The following MCM9 variants were observed in gnomAD, a reference collection of about 807,000 sequenced individuals.
MCM9 encodes the protein minichromosome maintenance 9 homologous recombination repair factor, also known as DNA helicase MCM9.
MCM9 carries 55 observed loss-of-function variants against 72.8 expected under a neutral mutation model. That is an observed-to-expected ratio of 0.76 (90% CI 0.61 to 0.95). MCM9 has a LOEUF of 0.95. MCM9 is among the 40% of genes least tolerant of loss of function. The pLI, the probability that MCM9 is intolerant of heterozygous loss-of-function variation, is 0.00. For missense variants in MCM9, 1,279 were observed against 1,377.0 expected (o/e 0.93, Z 1.13); for synonymous variants, 480 against 503.4 (o/e 0.95, Z 0.62).
At chr6:118,845,656 A>G (rs968367731) in intron 9 of MCM9, among the ~76,000 whole-genome samples, 5 of 151,912 alleles carry the variant, frequency 3.3e-5, no homozygotes, top group African/African-American at 1.2e-4. Flanking sequence ...ATATAAAACC[A>G]TATTTTATGT....
In MCM9 at chr6:118,815,589, G is replaced by C. The variant is rs1773361640; in HGVS notation, c.2667C>G (p.Asp889Glu). Residue 889 changes from aspartate (D) to glutamate (E), a missense_variant, in exon 14 of 14, where the codon GAC (aspartate) becomes GAG (glutamate). By Grantham distance (45) the Asp-to-Glu change is conservative. Coordinates refer to ENST00000619706, the MANE Select transcript of MCM9 (RefSeq NM_017696.3). The stretch of plus-strand genomic sequence containing the variant: ...ATTTCGGTCTCTTTCTTTTGGGTGA[G>C]TCCAGCATTCTGTCTGGGCTATGTA... The part of the protein sequence containing the change: ...TPVHSPDRML[D>E]SPKRKRPKSL... The C allele has an allele frequency of 1.3e-6, 2 of 1,550,266 alleles. No individual in the cohort carries two copies. The highest frequency in any genetic ancestry group is 3.9e-5 in the Admixed American group (2 of 50,954).
At chr6:118,878,052 T>G (rs1300164462) in intron 8 of MCM9, among the ~76,000 whole-genome samples, 2 of 151,952 alleles carry the variant, frequency 1.3e-5, no homozygotes, top group East Asian at 3.9e-4. Flanking sequence ...ATCCTAGCCA[T>G]TTGGGAGACT....
chr6:118,917,739 C>G lies in MCM9; in HGVS notation c.726G>C (p.Gly242=). ...CKSGDDLTIY[G]IVMQRWKPFQ... is the part of the protein sequence containing the mutation. ...AGGGCTTCCACCGTTGCATTACAAT[C>G]CCGTAAATAGTGAGGTCATCACCTA... The change falls in exon 6 of 14, where the codon GGG becomes GGC. Residue 242 remains glycine (G), a synonymous_variant. Transcript: ENST00000619706. 1 of 1,614,108 alleles carries G rather than the reference C, an allele frequency of 6.2e-7. No homozygotes were observed. Among genetic ancestry groups the G allele is most frequent in the Non-Finnish European group, 8.5e-7 (1 of 1,179,986 alleles).
At chr6:118,903,850 G>C (rs975468675) in intron 8 of MCM9, among the ~76,000 whole-genome samples, 1 of 152,128 alleles carries the variant, frequency 6.6e-6, no homozygotes, top group African/African-American at 2.4e-5. Flanking sequence ...GCCTCCCAAA[G>C]TGCTAGGATT....
chr6:118,866,417 A>G (rs1777221172), intron 8 of MCM9, among the ~76,000 whole-genome samples: 1 of 152,252 alleles, frequency 6.6e-6, no homozygotes. Flanking sequence ...AAAATTCAAA[A>G]TAATGGTCAA....
rs190846731 is a variant in MCM9, at chr6:118,899,307, G to A, written c.1150+12343C>T. Among the ~76,000 whole-genome samples, 625 of 152,316 alleles carry A rather than the reference G, an allele frequency of 4.1e-3. 4 individuals carry two copies. The highest frequency in any genetic ancestry group is 6.9e-3 in the Non-Finnish European group (470 of 68,032). On this transcript the variant is annotated intron_variant, in intron 8 of 13. Transcript: ENST00000619706. ...GCAGTGTGAAAGCCAGAGTCCTTATGATGGCCTTCAAAACCGCATGATCTG... is the reference window on the plus strand; with the variant it reads ...GCAGTGTGAAAGCCAGAGTCCTTATAATGGCCTTCAAAACCGCATGATCTG...
chr6:118,828,452 C>T (rs1012037060), intron 10 of MCM9, among the ~76,000 whole-genome samples: 2 of 151,834 alleles, frequency 1.3e-5, no homozygotes, highest in Non-Finnish European at 2.9e-5. Flanking sequence ...GTAGCACGAT[C>T]TCTGTTCACT....
intron 8 of MCM9, among the ~76,000 whole-genome samples, chr6:118,894,948 G>A (rs1434620032): frequency 6.6e-6 from 1 of 152,182 alleles, no homozygotes. Flanking sequence ...GTTCGGAGCG[G>A]AGCCATCTTA....
At chr6:118,857,515 T>C (rs898159568) in intron 8 of MCM9, among the ~76,000 whole-genome samples, 17 of 151,916 alleles carry the variant, frequency 1.1e-4, no homozygotes, top group African/African-American at 4.1e-4. Context: ...TTAGAGATTC[T>C]TGGATATTTA....
chr6:118,894,377 C>T lies in MCM9; in HGVS notation c.1150+17273G>A, dbSNP rs751978421. The T allele has an allele frequency of 2.6e-6, 4 of 1,536,386 alleles. No individual in the cohort carries two copies. In the East Asian group the frequency reaches 9.8e-5, roughly 38 times the overall value. On this transcript the variant is annotated intron_variant, in intron 8 of 13. Transcript: ENST00000619706. ...GCGCTGGACTTTATTGTGCCGCAAC[C>T]AGCCCCAGTTCCCATTGTTTGTGTT... is the stretch of plus-strand genomic sequence containing the variant.
chr6:118,863,843 T>A (rs778528249), intron 8 of MCM9, among the ~76,000 whole-genome samples: 1 of 152,146 alleles, frequency 6.6e-6, no homozygotes, highest in Non-Finnish European at 1.5e-5. Context: ...CATCCAGCAC[T>A]CTAAGAAATA....
intron 9 of MCM9, among the ~76,000 whole-genome samples, chr6:118,854,477 C>T (rs1422406749): frequency 6.6e-6 from 1 of 152,156 alleles, no homozygotes; most frequent in African/African-American, 2.4e-5. Context: ...CTCAGCCTCC[C>T]GAGTTGCTGG....
chr6:118,821,491 C>T (rs546978908), intron 13 of MCM9, among the ~76,000 whole-genome samples: 101 of 152,294 alleles, frequency 6.6e-4, no homozygotes, highest in Admixed American at 5.1e-3. Flanking sequence ...GAGAGATCTG[C>T]GGTTAGTCTG....
intron 8 of MCM9, among the ~76,000 whole-genome samples, chr6:118,893,475 G>A (rs911546850): frequency 6.6e-6 from 1 of 151,958 alleles, no homozygotes; most frequent in Non-Finnish European, 1.5e-5. Flanking sequence ...TCCCAGATCT[G>A]GACTCCGAAG....
intron 8 of MCM9, among the ~76,000 whole-genome samples, chr6:118,874,915 A>C (rs1777841382): frequency 6.6e-6 from 1 of 152,176 alleles, no homozygotes; most frequent in Admixed American, 6.5e-5. Context: ...GGAGTTCGAG[A>C]CCAGCCTGGC....
intron 9 of MCM9, 47 bp downstream of exon 9, chr6:118,856,324 A>G (rs1268351926): frequency 4.7e-6 from 7 of 1,492,850 alleles, no homozygotes; most frequent in Non-Finnish European, 6.2e-6. Context: ...CCCTAAGCAT[A>G]TATTAAATAA....
rs1773395895 is a variant in MCM9, at chr6:118,816,153, G to A, written c.2103C>T (p.Ile701=). The stretch of plus-strand genomic sequence containing the variant: ...CCTCGGGGCTGCCTCCAGGAGAGAA[G>A]ATATGTGTGCTATAGTTGATTTCCT... ...SQQEINYSTH[I]FSPGGSPEGS... Residue 701 remains isoleucine, a synonymous_variant, in exon 14 of 14, where the codon ATC becomes ATT. Coordinates refer to ENST00000619706, the MANE Select transcript of MCM9 (RefSeq NM_017696.3). The A allele has an allele frequency of 6.4e-7, 1 of 1,550,496 alleles. No individual in the cohort carries two copies. The highest frequency in any genetic ancestry group is 2.0e-5 in the Admixed American group (1 of 51,002).
chr6:118,894,916 G>A (rs1419114538), intron 8 of MCM9, among the ~76,000 whole-genome samples: 2 of 152,096 alleles, frequency 1.3e-5, no homozygotes, highest in Non-Finnish European at 2.9e-5. Context: ...GGGAGAGGCT[G>A]TGCGTGTGGT....
intron 3 of MCM9, 96 bp from the exon 4 acceptor site, chr6:118,924,223 ATTTCAGGGGG>A: frequency 1.8e-6 from 2 of 1,109,606 alleles, no homozygotes; most frequent in South Asian, 1.6e-5. Flanking sequence ...ATAAATTTTA[ATTTCAGGGGG>A]AAAAAAAAGA....
Sources: gnomAD v4.1 joint callset for allele counts (sites outside exome capture counted in the v4.1 genomes callset) on GRCh38, gnomAD v4.1.1 for gene constraint, MANE v1.5 for transcripts, NCBI Gene and HGNC (gene_info 2026-07-23, HGNC 2026-07-21) for gene names.